Variants in DIPK1A observed in about 807,000 individuals in gnomAD.
DIPK1A encodes divergent protein kinase domain 1A.
DIPK1A carries 27 observed loss-of-function variants against 40.8 expected under a neutral mutation model. The ratio of observed to expected loss-of-function variants is 0.66; its 90% confidence interval spans 0.49 to 0.91. The LOEUF (loss-of-function observed/expected upper bound fraction) is 0.91, where lower values mean the gene tolerates loss of function less well. Among genes scored for constraint, DIPK1A ranks in the 40% least tolerant of loss-of-function variants. DIPK1A has a pLI of 0.00. For synonymous variants in DIPK1A, 166 were observed against 171.3 expected (o/e 0.97, Z 0.24); for missense variants, 412 against 505.7 (o/e 0.81, Z 1.78).
At chr1:92,884,094 A>G (rs1233031733) in intron 1 of DIPK1A, among the ~76,000 whole-genome samples, 3 of 152,208 alleles carry the variant, frequency 2.0e-5, no homozygotes, top group African/African-American at 7.2e-5. Flanking sequence ...GATGGGCTCA[A>G]TAACTATCAG....
Position 92,852,650 on chromosome 1 carries a change from T to C in DIPK1A, c.190-1695A>G, listed in dbSNP as rs555252336. 5.9e-5 allele frequency among the ~76,000 whole-genome samples: 9 copies of C among 152,138 alleles called. No homozygotes were observed. The East Asian group carries it at 1.4e-3, about 23-fold the overall frequency. ...CAATAGAAGGAAGTTTAAAATAAGC[T>C]AACAGAACTCAGACAGGAAGGAAAA... is the stretch of plus-strand genomic sequence containing the variant. On this transcript the variant is annotated intron_variant, in intron 2 of 4. Coordinates refer to ENST00000370310, the MANE Select transcript of DIPK1A (RefSeq NM_001006605.5).
chr1:92,844,940 C>CTT (rs71094206), intron 4 of DIPK1A, among the ~76,000 whole-genome samples: 116 of 94,054 alleles, frequency 1.2e-3, no homozygotes, highest in African/African-American at 2.3e-3. Context: ...ATTAGTATTT[C>CTT]TTTTTTTTTT....
rs552117854 is a variant in DIPK1A, at chr1:92,936,244, G to T, written c.54+25132C>A. ...ACAGAGTTGAAGTTATGGAAATCTG[G>T]ATCACATCTTTCTGCATTCATTTAA... On this transcript the variant is annotated intron_variant, in intron 1 of 4. Coordinates refer to ENST00000370310, the MANE Select transcript of DIPK1A (RefSeq NM_001006605.5). Among the ~76,000 whole-genome samples, 46 of 152,288 alleles carry T rather than the reference G, an allele frequency of 3.0e-4. 1 individual carries two copies. The South Asian group carries it at 4.6e-3, about 15-fold the overall frequency.
intron 1 of DIPK1A, among the ~76,000 whole-genome samples, chr1:92,901,996 T>C (rs936376094): frequency 1.6e-4 from 25 of 152,170 alleles, no homozygotes; most frequent in African/African-American, 6.0e-4. Context: ...GTGTACTGAT[T>C]ACCTAGGGGG....
chr1:92,841,425 C>G (rs1365453959), downstream of DIPK1A, among the ~76,000 whole-genome samples: 1 of 152,124 alleles, frequency 6.6e-6, no homozygotes, highest in African/African-American at 2.4e-5. Context: ...TTATCTGTTG[C>G]TATTAATATA....
intron 1 of DIPK1A, among the ~76,000 whole-genome samples, chr1:92,956,094 A>G (rs1651845576): frequency 6.6e-6 from 1 of 152,068 alleles, no homozygotes; most frequent in African/African-American, 2.4e-5. Context: ...GAGGGAGGCT[A>G]TTCATGTGTC....
At chr1:92,941,435 T>C (rs1651146155) in intron 1 of DIPK1A, among the ~76,000 whole-genome samples, 1 of 152,240 alleles carries the variant, frequency 6.6e-6, no homozygotes, top group Non-Finnish European at 1.5e-5. Context: ...GACAACTCTA[T>C]CAGGCCTTCT....
intron 2 of DIPK1A, among the ~76,000 whole-genome samples, chr1:92,870,087 C>T (rs1647762272): frequency 6.6e-6 from 1 of 151,606 alleles, no homozygotes; most frequent in Non-Finnish European, 1.5e-5. Context: ...CACACACACA[C>T]ACACACACAC....
At chr1:92,898,321 C>A (rs1156371758) in intron 1 of DIPK1A, among the ~76,000 whole-genome samples, 2 of 151,996 alleles carry the variant, frequency 1.3e-5, no homozygotes, top group Non-Finnish European at 2.9e-5. Context: ...TTTAAACAAC[C>A]AGATCTCACA....
At chr1:92,912,312 T>C (rs947056169) in intron 1 of DIPK1A, among the ~76,000 whole-genome samples, 3 of 152,110 alleles carry the variant, frequency 2.0e-5, no homozygotes, top group African/African-American at 7.2e-5. Flanking sequence ...CAGACTAACT[T>C]AACACTAAAG....
At chr1:92,952,055 G>A (rs918335105) in intron 1 of DIPK1A, among the ~76,000 whole-genome samples, 5 of 147,932 alleles carry the variant, frequency 3.4e-5, no homozygotes, top group African/African-American at 1.3e-4. Context: ...CCATGAGAAT[G>A]GCCACTCTTT....
At chr1:92,892,206 C>T (rs1056020419) in intron 1 of DIPK1A, among the ~76,000 whole-genome samples, 27 of 152,120 alleles carry the variant, frequency 1.8e-4, no homozygotes, top group Non-Finnish European at 1.5e-5. Flanking sequence ...GACAGACTGC[C>T]TCCTCAACTG....
intron 1 of DIPK1A, among the ~76,000 whole-genome samples, chr1:92,941,358 T>A (rs1388930248): frequency 6.6e-6 from 1 of 152,186 alleles, no homozygotes; most frequent in Non-Finnish European, 1.5e-5. Context: ...ATCTTTTGAG[T>A]TATGTGACAA....
At chr1:92,892,875 T>C (rs547892690) in intron 1 of DIPK1A, among the ~76,000 whole-genome samples, 1 of 152,156 alleles carries the variant, frequency 6.6e-6, no homozygotes, top group South Asian at 2.1e-4. Flanking sequence ...CAGTAGCCGA[T>C]TCGATCAACT....
At chr1:92,954,550 C>T (rs1651769678) in intron 1 of DIPK1A, among the ~76,000 whole-genome samples, 1 of 151,318 alleles carries the variant, frequency 6.6e-6, no homozygotes, top group African/African-American at 2.4e-5. Context: ...ATTTTTTGTA[C>T]TTTTAGTAGA....
intron 1 of DIPK1A, among the ~76,000 whole-genome samples, chr1:92,924,639 T>G (rs149995662): frequency 3.2e-4 from 49 of 152,212 alleles, no homozygotes; most frequent in Admixed American, 6.5e-4. Flanking sequence ...AGGGGTCAGC[T>G]GCTCGGTCCG....
intron 1 of DIPK1A, among the ~76,000 whole-genome samples, chr1:92,923,834 A>G (rs965733094): frequency 2.0e-5 from 3 of 152,234 alleles, no homozygotes; most frequent in Non-Finnish European, 4.4e-5. Context: ...GCTAAACTCA[A>G]ATCCAACCAT....
chr1:92,833,660 G>A, intron 4 of DIPK1A: 1 of 1,608,078 alleles, frequency 6.2e-7, no homozygotes, highest in Non-Finnish European at 8.5e-7. Context: ...TCATTTGTCA[G>A]GTAAGTTGTA....
chr1:92,954,896 T>C (rs1651783849), intron 1 of DIPK1A, among the ~76,000 whole-genome samples: 1 of 152,210 alleles, frequency 6.6e-6, no homozygotes, highest in Non-Finnish European at 1.5e-5. Context: ...GATGTTTATG[T>C]AGCAGCCTTA....
Sources: gnomAD v4.1 joint callset for allele counts (sites outside exome capture counted in the v4.1 genomes callset) on GRCh38, gnomAD v4.1.1 for gene constraint, MANE v1.5 for transcripts, NCBI Gene and HGNC (gene_info 2026-07-23, HGNC 2026-07-21) for gene names.